Variants in PTPRD observed in about 807,000 individuals in gnomAD.
PTPRD encodes receptor-type tyrosine-protein phosphatase delta.
PTPRD carries 34 observed loss-of-function variants against 214.5 expected under a neutral mutation model. That is an observed-to-expected ratio of 0.16 (90% CI 0.12 to 0.21). The LOEUF (loss-of-function observed/expected upper bound fraction) is 0.21. PTPRD is among the 10% of genes least tolerant of loss of function. The pLI is 1.00. For synonymous variants in PTPRD, 1,128 were observed against 845.7 expected, an observed-to-expected ratio of 1.33 and a Z score of -5.79; for missense variants, 2,545 against 2,398.7, an observed-to-expected ratio of 1.06 and a Z score of -1.27.
chr9:8,998,525 C>T (rs6477363), intron 11 of PTPRD, among the ~76,000 whole-genome samples: 34,364 of 151,952 alleles, frequency 0.23, 4,519 homozygotes, highest in Middle Eastern at 0.32. Context: ...CATTGCTGCT[C>T]ATTGACAAGC....
At chr9:10,433,932 G>T (rs2098700204) in intron 2 of PTPRD, among the ~76,000 whole-genome samples, 1 of 151,676 alleles carries the variant, frequency 6.6e-6, no homozygotes, top group South Asian at 2.1e-4. Context: ...GAATACCATT[G>T]GTAATGTAAT....
At chr9:9,082,650 C>T (rs905795616) in intron 10 of PTPRD, among the ~76,000 whole-genome samples, 2 of 151,996 alleles carry the variant, frequency 1.3e-5, no homozygotes, top group Non-Finnish European at 2.9e-5. Flanking sequence ...ATTTAGAAAA[C>T]CCCATCGTAT....
At chr9:10,421,497 A>C (rs1457857806) in intron 2 of PTPRD, among the ~76,000 whole-genome samples, 1 of 151,922 alleles carries the variant, frequency 6.6e-6, no homozygotes. Context: ...AAATATAATA[A>C]AATACCATTT....
intron 11 of PTPRD, among the ~76,000 whole-genome samples, chr9:8,785,226 A>G (rs1054798453): frequency 6.6e-6 from 1 of 152,240 alleles, no homozygotes; most frequent in Non-Finnish European, 1.5e-5. Flanking sequence ...CAAGGAGATG[A>G]TGAAGAATAA....
intron 9 of PTPRD, among the ~76,000 whole-genome samples, chr9:9,378,726 T>C (rs1205818342): frequency 3.5e-5 from 5 of 141,834 alleles, no homozygotes. Context: ...TGTGTAGTTG[T>C]ATATCGTTGT....
At chr9:8,928,046 T>A (rs1743579475) in intron 11 of PTPRD, among the ~76,000 whole-genome samples, 3 of 152,110 alleles carry the variant, frequency 2.0e-5, no homozygotes, top group Non-Finnish European at 4.4e-5. Context: ...CACTTTTTGA[T>A]GAGGTTGTCT....
chr9:9,762,248 G>C (rs928996561), intron 6 of PTPRD, among the ~76,000 whole-genome samples: 3 of 152,188 alleles, frequency 2.0e-5, no homozygotes, highest in African/African-American at 7.2e-5. Flanking sequence ...AGTCCAAGAA[G>C]TCCAACAGTC....
intron 11 of PTPRD, among the ~76,000 whole-genome samples, chr9:8,880,400 T>C (rs930997930): frequency 6.6e-6 from 1 of 152,190 alleles, no homozygotes; most frequent in Non-Finnish European, 1.5e-5. Flanking sequence ...GGCACTTGCT[T>C]CTACCTTTTC....
chr9:8,449,648 T>C, intron 34 of PTPRD, 77 bp downstream of exon 34: 1 of 1,323,694 alleles, frequency 7.6e-7, no homozygotes, highest in Non-Finnish European at 1.1e-6. Context: ...AAGTGATACC[T>C]TCAACTCTTA....
chr9:9,992,665 C>A (rs1035484315), intron 4 of PTPRD, among the ~76,000 whole-genome samples: 59 of 152,120 alleles, frequency 3.9e-4, no homozygotes, highest in Non-Finnish European at 8.8e-5. Context: ...ATGGATGAAG[C>A]TGGAAACCAT....
At chr9:9,372,168 T>A (rs1275261028) in intron 9 of PTPRD, among the ~76,000 whole-genome samples, 2 of 152,098 alleles carry the variant, frequency 1.3e-5, no homozygotes, top group South Asian at 4.1e-4. Context: ...TGGGTATCCT[T>A]GTTAACTTTC....
At chr9:10,421,103 T>C (rs949794608) in intron 2 of PTPRD, among the ~76,000 whole-genome samples, 2 of 151,854 alleles carry the variant, frequency 1.3e-5, no homozygotes, top group Non-Finnish European at 2.9e-5. Flanking sequence ...TCTCATAATG[T>C]CTTAAGAAAG....
At chr9:10,551,407 T>G (rs1356964624) in intron 2 of PTPRD, among the ~76,000 whole-genome samples, 1 of 152,148 alleles carries the variant, frequency 6.6e-6, no homozygotes, top group East Asian at 1.9e-4. Flanking sequence ...TGCTATGGTT[T>G]GAATGTCTAT....
At chr9:9,962,268 C>A (rs1165167694) in intron 4 of PTPRD, among the ~76,000 whole-genome samples, 1 of 151,876 alleles carries the variant, frequency 6.6e-6, no homozygotes, top group East Asian at 1.9e-4. Context: ...GTTTGAGGTT[C>A]ATTTTAAGAC....
intron 43 of PTPRD, among the ~76,000 whole-genome samples, chr9:8,338,123 G>A (rs533659866): frequency 2.0e-5 from 3 of 152,108 alleles, no homozygotes; most frequent in Non-Finnish European, 4.4e-5. Context: ...AAAAAACAAT[G>A]GATCAACTAA....
In PTPRD at chr9:8,529,824, G is replaced by A. The variant is rs138814780; in HGVS notation, c.353-1045C>T. 3.1e-3 allele frequency among the ~76,000 whole-genome samples: 478 copies of A among 152,132 alleles called. 2 individuals carry two copies. Among genetic ancestry groups the A allele is most frequent in the African/African-American group, 0.011 (447 of 41,522 alleles). ...TTGTTATTATACTTTAAGTTCTAGG[G>A]TACATATGCACAACGTGCAGGTTTG... On this transcript the variant is annotated intron_variant, in intron 14 of 45. Coordinates refer to ENST00000381196, the MANE Select transcript of PTPRD (RefSeq NM_002839.4).
intron 3 of PTPRD, among the ~76,000 whole-genome samples, chr9:10,321,320 C>G (rs1379040641): frequency 6.6e-6 from 1 of 151,894 alleles, no homozygotes; most frequent in Non-Finnish European, 1.5e-5. Flanking sequence ...AATATTGAAG[C>G]TGCAATATGA....
At chr9:9,019,320 G>GT in intron 10 of PTPRD, among the ~76,000 whole-genome samples, 1 of 86,200 alleles carries the variant, frequency 1.2e-5, no homozygotes. Context: ...AAGAAAGAAA[G>GT]AAAGAAAGAA....
At chr9:8,967,339 G>T (rs2099203350) in intron 11 of PTPRD, among the ~76,000 whole-genome samples, 4 of 151,742 alleles carry the variant, frequency 2.6e-5, no homozygotes, top group South Asian at 2.1e-4. Flanking sequence ...TAAATGGAAA[G>T]AAATCATCCT....
Sources: gnomAD v4.1 joint callset for allele counts (sites outside exome capture counted in the v4.1 genomes callset) on GRCh38, gnomAD v4.1.1 for gene constraint, MANE v1.5 for transcripts, NCBI Gene and HGNC (gene_info 2026-07-23, HGNC 2026-07-21) for gene names.